Variants in PKNOX2 observed in about 807,000 individuals in gnomAD.
PKNOX2 encodes homeobox protein PKNOX2.
Under a neutral mutation model 53.1 loss-of-function variants are expected in PKNOX2, and 14 were observed. The observed-to-expected ratio is 0.26, with a 90% CI of 0.17 to 0.41. The LOEUF (loss-of-function observed/expected upper bound fraction) is 0.41, where lower values mean the gene tolerates loss of function less well. Among genes scored for constraint, PKNOX2 ranks in the 10% least tolerant of loss-of-function variants. PKNOX2 has a pLI of 1.00. For missense variants in PKNOX2, 496 were observed against 602.8 expected, an observed-to-expected ratio of 0.82 and a Z score of 1.85; for synonymous variants, 257 against 242.8, an observed-to-expected ratio of 1.06 and a Z score of -0.54.
At chr11:125,327,926 T>C (rs1167407797) in intron 2 of PKNOX2, among the ~76,000 whole-genome samples, 1 of 152,172 alleles carries the variant, frequency 6.6e-6, no homozygotes. Context: ...AATGTGTGTT[T>C]TATTCCCTGA....
At chr11:125,402,354 G>T (rs1954803546) in intron 7 of PKNOX2, among the ~76,000 whole-genome samples, 2 of 152,232 alleles carry the variant, frequency 1.3e-5, no homozygotes, top group South Asian at 4.2e-4. Flanking sequence ...CCTACTCTGG[G>T]TTCTCCTGTC....
At chr11:125,429,323 C>T (rs1168884907) in intron 11 of PKNOX2, among the ~76,000 whole-genome samples, 1 of 152,200 alleles carries the variant, frequency 6.6e-6, no homozygotes, top group Non-Finnish European at 1.5e-5. Context: ...TCAGGCACAT[C>T]CCTGGAAGCT....
chr11:125,238,281 G>A (rs1299668218), intron 2 of PKNOX2, among the ~76,000 whole-genome samples: 1 of 152,234 alleles, frequency 6.6e-6, no homozygotes, highest in East Asian at 1.9e-4. Flanking sequence ...AGAGGGGTGA[G>A]TGGACTTGGT....
At chr11:125,254,531 C>T (rs1944264976) in intron 2 of PKNOX2, among the ~76,000 whole-genome samples, 1 of 152,246 alleles carries the variant, frequency 6.6e-6, no homozygotes, top group African/African-American at 2.4e-5. Context: ...CATTCTGAGC[C>T]TCAGTTTCAC....
intron 5 of PKNOX2, among the ~76,000 whole-genome samples, chr11:125,383,153 G>A (rs555235673): frequency 1.3e-4 from 20 of 152,304 alleles, no homozygotes; most frequent in African/African-American, 4.6e-4. Context: ...ATGGGGGTAC[G>A]CACTTTGTCT....
intron 3 of PKNOX2, among the ~76,000 whole-genome samples, chr11:125,350,900 C>T (rs1477983030): frequency 6.6e-6 from 1 of 152,110 alleles, no homozygotes; most frequent in Non-Finnish European, 1.5e-5. Context: ...CAGGCTGGAA[C>T]TCAGGGTCCT....
At chr11:125,238,032 A>C (rs567571317) in intron 2 of PKNOX2, among the ~76,000 whole-genome samples, 1 of 152,294 alleles carries the variant, frequency 6.6e-6, no homozygotes, top group East Asian at 1.9e-4. Flanking sequence ...CCCCTCTGCC[A>C]CATACTATGT....
At chr11:125,346,233 A>T (rs1809758581) in intron 3 of PKNOX2, among the ~76,000 whole-genome samples, 1 of 151,978 alleles carries the variant, frequency 6.6e-6, no homozygotes, top group Admixed American at 6.6e-5. Context: ...GAAGGGATTG[A>T]CAGCTCCTGG....
intron 2 of PKNOX2, among the ~76,000 whole-genome samples, chr11:125,292,493 A>T (rs889496445): frequency 6.6e-6 from 1 of 151,940 alleles, no homozygotes; most frequent in Non-Finnish European, 1.5e-5. Context: ...AGGTTCGGGG[A>T]ATTCTTTCTG....
chr11:125,259,605 C>T lies in PKNOX2; in HGVS notation c.-130+24490C>T, dbSNP rs553293618. Among the ~76,000 whole-genome samples, 28 of 152,308 alleles carry T rather than the reference C, an allele frequency of 1.8e-4. 1 individual carries two copies. The highest frequency in any genetic ancestry group is 5.8e-4 in the African/African-American group (24 of 41,560). ...CACATGAGGCTGACCTGTGGACTTC[C>T]GCGTGGCCCTTTACCTTTGCCTCTG... On this transcript the variant is annotated intron_variant, in intron 2 of 12. Transcript: ENST00000298282.
intron 2 of PKNOX2, among the ~76,000 whole-genome samples, chr11:125,313,101 G>A (rs1012718031): frequency 6.6e-6 from 1 of 152,138 alleles, no homozygotes; most frequent in Non-Finnish European, 1.5e-5. Flanking sequence ...TGTTTACGGG[G>A]CACTTAAGAA....
At chr11:125,405,590 G>A (rs1428535015) in intron 7 of PKNOX2, among the ~76,000 whole-genome samples, 1 of 152,166 alleles carries the variant, frequency 6.6e-6, no homozygotes, top group Non-Finnish European at 1.5e-5. Flanking sequence ...TGTTCCAAAT[G>A]CAATTTGGAG....
intron 4 of PKNOX2, among the ~76,000 whole-genome samples, chr11:125,356,734 G>C (rs1951639624): frequency 1.3e-5 from 2 of 152,206 alleles, no homozygotes; most frequent in South Asian, 4.1e-4. Context: ...CCCACTCCAG[G>C]TGGGGCCAGG....
intron 1 of PKNOX2, among the ~76,000 whole-genome samples, chr11:125,175,480 T>A (rs963217302): frequency 1.3e-5 from 2 of 152,182 alleles, no homozygotes; most frequent in East Asian, 3.9e-4. Flanking sequence ...GATTTCTAGG[T>A]AGCTGTGCAG....
At chr11:125,395,345 G>A (rs1227162432) in intron 6 of PKNOX2, among the ~76,000 whole-genome samples, 7 of 152,144 alleles carry the variant, frequency 4.6e-5, no homozygotes, top group Non-Finnish European at 8.8e-5. Context: ...GGTTGTTTCC[G>A]ATTTTTGACT....
intron 1 of PKNOX2, among the ~76,000 whole-genome samples, chr11:125,202,302 C>T (rs923723651): frequency 4.3e-4 from 65 of 152,284 alleles, no homozygotes; most frequent in African/African-American, 1.6e-3. Context: ...TTGCCCTGCC[C>T]CCTGCACCCC....
At chr11:125,294,139 T>C (rs1947498852) in intron 2 of PKNOX2, among the ~76,000 whole-genome samples, 1 of 152,228 alleles carries the variant, frequency 6.6e-6, no homozygotes, top group Admixed American at 6.5e-5. Flanking sequence ...GACTATTATT[T>C]CCATGTTAAC....
chr11:125,232,508 A>G (rs1942299821), intron 1 of PKNOX2, among the ~76,000 whole-genome samples: 1 of 152,230 alleles, frequency 6.6e-6, no homozygotes, highest in Non-Finnish European at 1.5e-5. Flanking sequence ...GCCCATGGTC[A>G]AGCCAGAATC....
At chr11:125,274,019 G>A (rs573250425) in intron 2 of PKNOX2, among the ~76,000 whole-genome samples, 1 of 152,304 alleles carries the variant, frequency 6.6e-6, no homozygotes, top group South Asian at 2.1e-4. Context: ...CAGTGGTGAA[G>A]GTAGTATCAC....
Sources: allele counts gnomAD v4.1 joint callset (sites outside exome capture counted in the v4.1 genomes callset), GRCh38; gene constraint gnomAD v4.1.1; transcripts MANE v1.5; gene names NCBI Gene and HGNC (gene_info 2026-07-23, HGNC 2026-07-21).